Variants in MBNL1 observed in about 807,000 individuals in gnomAD.
MBNL1 encodes muscleblind like splicing regulator 1.
Under a neutral mutation model 42.2 loss-of-function variants are expected in MBNL1, and 8 were observed. The ratio of observed to expected loss-of-function variants is 0.19; its 90% CI spans 0.11 to 0.34. The LOEUF is 0.34. Among genes scored for constraint, MBNL1 ranks in the 10% least tolerant of loss-of-function variants. The pLI is 1.00. For missense variants in MBNL1, 309 were observed against 495.3 expected (o/e 0.62, Z 3.57); for synonymous variants, 169 against 173.9 (o/e 0.97, Z 0.22).
At chr3:152,258,622 G>A (rs1013410185) in intron 2 of MBNL1, among the ~76,000 whole-genome samples, 5 of 152,164 alleles carry the variant, frequency 3.3e-5, no homozygotes, top group Non-Finnish European at 2.9e-5. Context: ...ACTGCCAGTG[G>A]AAACTAGCCC....
chr3:152,363,321 C>G (rs1330687107), intron 2 of MBNL1, among the ~76,000 whole-genome samples: 1 of 152,016 alleles, frequency 6.6e-6, no homozygotes, highest in Admixed American at 6.6e-5. Context: ...AGAGCCTGAT[C>G]TTTGTTTTAA....
intron 2 of MBNL1, among the ~76,000 whole-genome samples, chr3:152,249,068 CA>C (rs1205424658): frequency 1.3e-5 from 2 of 149,210 alleles, no homozygotes; most frequent in African/African-American, 5.0e-5. Flanking sequence ...AATAGTGCCA[CA>C]ATAAACATAC....
chr3:152,358,721 T>C (rs2095706679), intron 2 of MBNL1, among the ~76,000 whole-genome samples: 1 of 152,084 alleles, frequency 6.6e-6, no homozygotes, highest in South Asian at 2.1e-4. Flanking sequence ...TTCACATCAG[T>C]TAACCTCTGA....
chr3:152,315,976 A>G lies in MBNL1; in HGVS notation c.174+15609A>G, dbSNP rs371477464. Among the ~76,000 whole-genome samples, 149 of 152,264 alleles carry G rather than the reference A, an allele frequency of 9.8e-4. 1 individual carries two copies. Among genetic ancestry groups the G allele is most frequent in the African/African-American group, 3.4e-3 (143 of 41,548 alleles). Reference sequence around the variant, plus strand: ...ATCAGGAAGAATTTCTGAAGTTCTCATAATAAAAATAACTGTAATATTAAT... The same window carrying G: ...ATCAGGAAGAATTTCTGAAGTTCTCGTAATAAAAATAACTGTAATATTAAT... On this transcript the variant is annotated intron_variant, in intron 2 of 9. Transcript: ENST00000324210.
At chr3:152,286,336 TTTA>T (rs2051781141) in intron 1 of MBNL1, among the ~76,000 whole-genome samples, 1 of 144,006 alleles carries the variant, frequency 6.9e-6, no homozygotes, top group African/African-American at 2.5e-5. Context: ...TTAATTATAT[TTTA>T]TTTATAATAT....
intron 2 of MBNL1, among the ~76,000 whole-genome samples, chr3:152,374,433 C>T (rs924025987): frequency 1.3e-5 from 2 of 152,044 alleles, no homozygotes; most frequent in African/African-American, 4.8e-5. Context: ...CCAGTGTCTC[C>T]CAGGAGCACA....
intron 1 of MBNL1, among the ~76,000 whole-genome samples, chr3:152,298,770 T>C (rs2059635692): frequency 6.6e-6 from 1 of 152,160 alleles, no homozygotes; most frequent in African/African-American, 2.4e-5. Context: ...CAGGAGAATG[T>C]ACCATTTGTA....
intron 1 of MBNL1, among the ~76,000 whole-genome samples, chr3:152,273,131 T>G (rs1209405049): frequency 2.6e-5 from 4 of 152,142 alleles, no homozygotes; most frequent in African/African-American, 9.7e-5. Flanking sequence ...GGAAGAATGA[T>G]CCCCATTAAC....
At chr3:152,267,743 C>G (rs1241152050), upstream of MBNL1, 2 of 152,202 alleles carry the variant, frequency 1.3e-5, no homozygotes, top group African/African-American at 4.8e-5. Flanking sequence ...AGGTCAAGAA[C>G]TAAAGTCGGC....
intron 3 of MBNL1, among the ~76,000 whole-genome samples, chr3:152,419,499 G>A (rs2098762513): frequency 6.6e-6 from 1 of 152,116 alleles, no homozygotes; most frequent in Admixed American, 6.5e-5. Context: ...CCCTAGCCAA[G>A]GGAAGCCATG....
At chr3:152,358,610 T>G (rs951471918) in intron 2 of MBNL1, among the ~76,000 whole-genome samples, 5 of 152,180 alleles carry the variant, frequency 3.3e-5, no homozygotes, top group African/African-American at 1.2e-4. Context: ...CATTTTTTCC[T>G]TTTATTCATG....
intron 2 of MBNL1, among the ~76,000 whole-genome samples, chr3:152,387,447 A>G (rs531839697): frequency 8.5e-5 from 13 of 152,280 alleles, no homozygotes; most frequent in African/African-American, 3.1e-4. Flanking sequence ...AAAAATTAAA[A>G]TATGAAAGGA....
At chr3:152,429,911 A>G (rs1462080725) in intron 3 of MBNL1, among the ~76,000 whole-genome samples, 2 of 152,158 alleles carry the variant, frequency 1.3e-5, no homozygotes, top group African/African-American at 4.8e-5. Context: ...TTATCGAAAG[A>G]GGGAACAATT....
chr3:152,380,188 T>A (rs191108134), intron 2 of MBNL1, among the ~76,000 whole-genome samples: 1 of 152,230 alleles, frequency 6.6e-6, no homozygotes, highest in East Asian at 1.9e-4. Flanking sequence ...ATTTGAAGTT[T>A]GAAGATGCAT....
intron 2 of MBNL1, among the ~76,000 whole-genome samples, chr3:152,308,752 A>G (rs1033593619): frequency 2.0e-5 from 3 of 152,042 alleles, no homozygotes; most frequent in African/African-American, 4.8e-5. Context: ...GTTGTTTTCT[A>G]AATACTAGTA....
At chr3:152,340,615 A>G in intron 2 of MBNL1, 1 of 1,614,054 alleles carries the variant, frequency 6.2e-7, no homozygotes, top group Non-Finnish European at 8.5e-7. Context: ...AACTATCAGC[A>G]GGCACCTGCA....
At chr3:152,405,819 T>C (rs1345771988) in intron 2 of MBNL1, among the ~76,000 whole-genome samples, 1 of 152,206 alleles carries the variant, frequency 6.6e-6, no homozygotes, top group African/African-American at 2.4e-5. Context: ...CATAGAGCGC[T>C]AACATTTATT....
At chr3:152,392,079 C>CAA (rs35339307) in intron 2 of MBNL1, among the ~76,000 whole-genome samples, 29 of 145,274 alleles carry the variant, frequency 2.0e-4, no homozygotes, top group South Asian at 8.7e-4. Flanking sequence ...TCATTTTGTG[C>CAA]AAAAAAAAAA....
intron 2 of MBNL1, among the ~76,000 whole-genome samples, chr3:152,304,249 TG>T (rs2061920460): frequency 6.6e-6 from 1 of 152,142 alleles, no homozygotes; most frequent in Non-Finnish European, 1.5e-5. Context: ...TAACTAGACA[TG>T]ATAAAGTAGT....
Sources: gnomAD v4.1 joint callset for allele counts (sites outside exome capture counted in the v4.1 genomes callset) on GRCh38, gnomAD v4.1.1 for gene constraint, MANE v1.5 for transcripts, NCBI Gene and HGNC (gene_info 2026-07-23, HGNC 2026-07-21) for gene names.